THSD4: variants seen among roughly 807,000 people sequenced by gnomAD.
The protein encoded by THSD4 is thrombospondin type 1 domain containing 4.
THSD4 carries 69 observed loss-of-function variants against 119.0 expected under a neutral mutation model. The ratio of observed to expected loss-of-function variants is 0.58; its 90% CI spans 0.48 to 0.71. The LOEUF is 0.71. THSD4 is among the 30% of genes least tolerant of loss of function. The pLI is 0.00. For synonymous variants in THSD4, 524 were observed against 540.4 expected, an observed-to-expected ratio of 0.97 and a Z score of 0.42; for missense variants, 1,393 against 1,391.1, an observed-to-expected ratio of 1.00 and a Z score of -0.02.
At chr15:71,529,573 A>G (rs1365098485) in intron 7 of THSD4, among the ~76,000 whole-genome samples, 1 of 152,194 alleles carries the variant, frequency 6.6e-6, no homozygotes, top group Non-Finnish European at 1.5e-5. Flanking sequence ...TTGTGTTTTC[A>G]ATCAGATTAA....
At chr15:71,772,429 AAAAT>A (rs895780163) in intron 17 of THSD4, among the ~76,000 whole-genome samples, 3 of 152,244 alleles carry the variant, frequency 2.0e-5, no homozygotes, top group South Asian at 2.1e-4. Context: ...CTATATAGAA[AAAAT>A]AAATAAAAGT....
intron 6 of THSD4, among the ~76,000 whole-genome samples, chr15:71,361,641 C>T (rs1330770954): frequency 6.6e-6 from 1 of 152,176 alleles, no homozygotes; most frequent in Non-Finnish European, 1.5e-5. Context: ...GCAATTCTAC[C>T]TTTTACCTAC....
intron 8 of THSD4, among the ~76,000 whole-genome samples, chr15:71,704,137 T>C (rs986520801): frequency 5.9e-5 from 9 of 152,344 alleles, no homozygotes; most frequent in South Asian, 2.1e-4. Flanking sequence ...TGTGAGCCAC[T>C]GCGCCTGGCC....
chr15:71,269,984 G>A (rs932999657), intron 6 of THSD4, among the ~76,000 whole-genome samples: 5 of 152,108 alleles, frequency 3.3e-5, no homozygotes, highest in East Asian at 3.9e-4. Flanking sequence ...TTCCATGCTC[G>A]TGGATAGGAA....
chr15:71,657,665 C>T (rs1032487126), intron 7 of THSD4, among the ~76,000 whole-genome samples: 1 of 152,188 alleles, frequency 6.6e-6, no homozygotes, highest in African/African-American at 2.4e-5. Context: ...TCCCGGTAGA[C>T]AGGCTGTCAC....
intron 5 of THSD4, among the ~76,000 whole-genome samples, chr15:71,251,158 A>G (rs1239179850): frequency 6.6e-6 from 1 of 152,210 alleles, no homozygotes; most frequent in African/African-American, 2.4e-5. Flanking sequence ...TGTGCAAGAT[A>G]ACTGGAGCGA....
intron 6 of THSD4, among the ~76,000 whole-genome samples, chr15:71,388,788 A>AT (rs1456106218): frequency 3.3e-5 from 5 of 152,026 alleles, no homozygotes; most frequent in African/African-American, 1.2e-4. Flanking sequence ...ATATATATAT[A>AT]AAAAACATAA....
chr15:71,621,634 A>G (rs1247640016), intron 7 of THSD4, among the ~76,000 whole-genome samples: 1 of 152,222 alleles, frequency 6.6e-6, no homozygotes, highest in Admixed American at 6.5e-5. Flanking sequence ...AATATTTTCA[A>G]AAATTAATAG....
At chr15:71,661,858 A>G (rs2051315306) in intron 8 of THSD4, among the ~76,000 whole-genome samples, 1 of 152,174 alleles carries the variant, frequency 6.6e-6, no homozygotes, top group South Asian at 2.1e-4. Context: ...GTCAGGCACT[A>G]TTCTTAATGT....
chr15:71,621,719 T>C (rs11632368), intron 7 of THSD4, among the ~76,000 whole-genome samples: 58,962 of 152,108 alleles, frequency 0.39, 13,682 homozygotes, highest in East Asian at 0.72. Flanking sequence ...TTTAGATTCT[T>C]GTAGAAGTTC....
At chr15:71,311,926 A>C (rs569509811) in intron 6 of THSD4, among the ~76,000 whole-genome samples, 4 of 152,070 alleles carry the variant, frequency 2.6e-5, no homozygotes, top group Admixed American at 1.3e-4. Context: ...AGCCACCCTC[A>C]TACCTGGCCT....
intron 7 of THSD4, among the ~76,000 whole-genome samples, chr15:71,519,841 T>A (rs544935313): frequency 2.6e-5 from 4 of 152,232 alleles, no homozygotes; most frequent in African/African-American, 9.6e-5. Flanking sequence ...GAAATGACTG[T>A]TTATCCTACC....
chr15:71,661,848 G>A (rs2051314937), intron 8 of THSD4, among the ~76,000 whole-genome samples: 1 of 152,090 alleles, frequency 6.6e-6, no homozygotes, highest in South Asian at 2.1e-4. Context: ...CAAACTATGT[G>A]TCAGGCACTA....
rs142502107 is a variant in THSD4, at chr15:71,413,239, C to G, written c.1152+1416C>G. Among the ~76,000 whole-genome samples, 3 of 152,216 alleles carry G rather than the reference C, an allele frequency of 2.0e-5. No homozygotes were observed. In the East Asian group the frequency reaches 5.8e-4, roughly 29 times the overall value. On this transcript the variant is annotated intron_variant, in intron 7 of 17. Transcript: ENST00000261862. ...TGTTGGCCAGGCTGGTCTTGAACCC[C>G]TGACCTCAAGTGATCCACCTGCCTT...
At chr15:71,229,707 G>A (rs1440365461) in intron 4 of THSD4, among the ~76,000 whole-genome samples, 2 of 152,170 alleles carry the variant, frequency 1.3e-5, no homozygotes, top group Admixed American at 6.5e-5. Context: ...TTATGGATAG[G>A]TAAACTCGAG....
chr15:71,685,953 C>T (rs948991153), intron 8 of THSD4, among the ~76,000 whole-genome samples: 1 of 152,036 alleles, frequency 6.6e-6, no homozygotes, highest in Non-Finnish European at 1.5e-5. Flanking sequence ...GAAATATATC[C>T]ATTTTTTTAA....
chr15:71,540,850 G>A (rs142116720), intron 7 of THSD4, among the ~76,000 whole-genome samples: 2,023 of 150,034 alleles, frequency 0.013, 35 homozygotes, highest in African/African-American at 0.046. Flanking sequence ...AGCCTCCCGA[G>A]TAGATGGGAT....
intron 4 of THSD4, among the ~76,000 whole-genome samples, chr15:71,233,351 C>T (rs905185147): frequency 6.6e-6 from 1 of 152,210 alleles, no homozygotes; most frequent in Non-Finnish European, 1.5e-5. Context: ...GAGTCTGCTT[C>T]AACTGAGCCT....
intron 7 of THSD4, among the ~76,000 whole-genome samples, chr15:71,605,413 A>T (rs2050090554): frequency 6.6e-6 from 1 of 152,240 alleles, no homozygotes; most frequent in South Asian, 2.1e-4. Context: ...TTTCACCCAG[A>T]GCTCTGGCTC....
Sources: gnomAD v4.1 joint callset for allele counts (sites outside exome capture counted in the v4.1 genomes callset) on GRCh38, gnomAD v4.1.1 for gene constraint, MANE v1.5 for transcripts, NCBI Gene and HGNC (gene_info 2026-07-23, HGNC 2026-07-21) for gene names.